Variants in UNC5D observed in about 807,000 individuals in gnomAD.
UNC5D encodes the protein netrin receptor UNC5D.
In UNC5D, 39 loss-of-function variants were observed where a neutral mutation model predicts 105.4. That is an observed-to-expected ratio of 0.37 (90% CI 0.29 to 0.48). The LOEUF is 0.48. UNC5D is among the 20% of genes least tolerant of loss of function. UNC5D has a pLI of 0.98. For synonymous variants in UNC5D, 452 were observed against 450.4 expected, an observed-to-expected ratio of 1.00 and a Z score of -0.04; for missense variants, 991 against 1,202.4, an observed-to-expected ratio of 0.82 and a Z score of 2.60.
intron 4 of UNC5D, among the ~76,000 whole-genome samples, chr8:35,622,495 G>A (rs2131034715): frequency 6.6e-6 from 1 of 152,294 alleles, no homozygotes; most frequent in Admixed American, 6.5e-5. Flanking sequence ...TTAGCTGTGT[G>A]TTAAGCTAAT....
chr8:35,247,234 T>A (rs200972684), intron 1 of UNC5D, among the ~76,000 whole-genome samples: 3 of 151,140 alleles, frequency 2.0e-5, no homozygotes, highest in African/African-American at 7.3e-5. Flanking sequence ...TCCTTTTATT[T>A]AAATGTTTAT....
intron 8 of UNC5D, among the ~76,000 whole-genome samples, chr8:35,720,756 T>TA (rs1348009164): frequency 6.6e-6 from 1 of 152,202 alleles, no homozygotes; most frequent in Non-Finnish European, 1.5e-5. Flanking sequence ...AATGGAAGTT[T>TA]AAATCACACC....
chr8:35,618,082 T>C (rs1032070254), intron 4 of UNC5D, among the ~76,000 whole-genome samples: 3 of 152,216 alleles, frequency 2.0e-5, no homozygotes, highest in African/African-American at 4.8e-5. Flanking sequence ...CTCAACAGCA[T>C]CATTTGGAGA....
At chr8:35,407,085 A>G (rs1804854222) in intron 1 of UNC5D, among the ~76,000 whole-genome samples, 1 of 152,112 alleles carries the variant, frequency 6.6e-6, no homozygotes, top group Non-Finnish European at 1.5e-5. Flanking sequence ...TTCTATATTT[A>G]CATATGTTTA....
chr8:35,294,030 T>G (rs1187902547), intron 1 of UNC5D, among the ~76,000 whole-genome samples: 2 of 152,234 alleles, frequency 1.3e-5, no homozygotes, highest in African/African-American at 4.8e-5. Context: ...GGGTACTTCC[T>G]GACTTCGGGG....
intron 1 of UNC5D, among the ~76,000 whole-genome samples, chr8:35,320,602 G>T (rs1338880538): frequency 1.3e-5 from 2 of 152,154 alleles, no homozygotes; most frequent in Non-Finnish European, 2.9e-5. Flanking sequence ...TTCAGGGCCT[G>T]CTGTTATGTG....
chr8:35,377,198 T>C (rs887035408), intron 1 of UNC5D, among the ~76,000 whole-genome samples: 10 of 152,110 alleles, frequency 6.6e-5, no homozygotes, highest in African/African-American at 2.4e-4. Flanking sequence ...ATTACAAAAC[T>C]ATTTGGGGAC....
intron 1 of UNC5D, among the ~76,000 whole-genome samples, chr8:35,541,593 C>G (rs1815279216): frequency 6.6e-6 from 1 of 152,164 alleles, no homozygotes; most frequent in Non-Finnish European, 1.5e-5. Flanking sequence ...GCACATTTAT[C>G]CAGACTGTGA....
intron 1 of UNC5D, among the ~76,000 whole-genome samples, chr8:35,466,276 C>G (rs191852590): frequency 6.6e-6 from 1 of 152,264 alleles, no homozygotes; most frequent in African/African-American, 2.4e-5. Flanking sequence ...CAAGACTTCC[C>G]AGATTCTTAC....
At chr8:35,351,698 G>T (rs1466499979) in intron 1 of UNC5D, among the ~76,000 whole-genome samples, 3 of 152,050 alleles carry the variant, frequency 2.0e-5, no homozygotes, top group African/African-American at 7.2e-5. Flanking sequence ...CTAGCCTTAG[G>T]GATCGTCATT....
At chr8:35,740,970 A>T (rs1395742942) in intron 11 of UNC5D, among the ~76,000 whole-genome samples, 1 of 152,120 alleles carries the variant, frequency 6.6e-6, no homozygotes, top group Non-Finnish European at 1.5e-5. Flanking sequence ...TGGTGGATAT[A>T]AAAAAATGCC....
chr8:35,656,977 C>T (rs1249765111), intron 4 of UNC5D, among the ~76,000 whole-genome samples: 1 of 149,166 alleles, frequency 6.7e-6, no homozygotes, highest in African/African-American at 2.5e-5. Flanking sequence ...GGCACTTTAC[C>T]ATAATAAATT....
rs573418321 is a variant in UNC5D at position 35,717,949 on chromosome 8, T to G, written c.1118-4261T>G. On this transcript the variant is annotated intron_variant, in intron 8 of 16. Coordinates refer to ENST00000404895, the MANE Select transcript of UNC5D (RefSeq NM_080872.4). ...AACATTTCCTCTCCAGGGTCCTAGT[T>G]TCCAGCTCTCGATTAATCTTTTCAG... Among the ~76,000 whole-genome samples, 8 of 152,326 alleles carry G rather than the reference T, an allele frequency of 5.3e-5. No individual in the cohort carries two copies. In the South Asian group the frequency reaches 8.3e-4, roughly 16 times the overall value.
chr8:35,449,630 T>C (rs777109894), intron 1 of UNC5D, among the ~76,000 whole-genome samples: 2 of 152,176 alleles, frequency 1.3e-5, no homozygotes, highest in Non-Finnish European at 2.9e-5. Flanking sequence ...ATTTCACTTA[T>C]GTAACTTAAC....
intron 1 of UNC5D, among the ~76,000 whole-genome samples, chr8:35,532,354 T>C (rs1207961209): frequency 6.7e-6 from 1 of 149,022 alleles, no homozygotes; most frequent in East Asian, 2.0e-4. Context: ...TTCTTTTCTT[T>C]AAGAATGTTG....
At chr8:35,249,883 T>C (rs961091235) in intron 1 of UNC5D, among the ~76,000 whole-genome samples, 11 of 152,084 alleles carry the variant, frequency 7.2e-5, no homozygotes, top group Non-Finnish European at 1.2e-4. Context: ...GAAATAGTGG[T>C]CAGGCTTTGA....
chr8:35,586,498 G>A (rs890874034), intron 3 of UNC5D, among the ~76,000 whole-genome samples: 3 of 152,116 alleles, frequency 2.0e-5, no homozygotes, highest in Non-Finnish European at 2.9e-5. Flanking sequence ...GGAACCACAT[G>A]GAAGCACCAG....
At chr8:35,432,102 C>G (rs78914295) in intron 1 of UNC5D, among the ~76,000 whole-genome samples, 3,653 of 152,144 alleles carry the variant, frequency 0.024, 150 homozygotes, top group African/African-American at 0.084. Flanking sequence ...AATTCTGGAT[C>G]TATAATATAC....
chr8:35,317,411 G>C (rs1369409817), intron 1 of UNC5D, among the ~76,000 whole-genome samples: 3 of 152,054 alleles, frequency 2.0e-5, no homozygotes, highest in African/African-American at 7.2e-5. Context: ...GGCCACAATG[G>C]CTATTACGAA....
Sources: gnomAD v4.1 joint callset for allele counts (sites outside exome capture counted in the v4.1 genomes callset) on GRCh38, gnomAD v4.1.1 for gene constraint, MANE v1.5 for transcripts, NCBI Gene and HGNC (gene_info 2026-07-23, HGNC 2026-07-21) for gene names.